The following MYO6 variants were observed in gnomAD, a reference collection of about 807,000 sequenced individuals.
MYO6 encodes the protein unconventional myosin-VI.
MYO6 carries 74 observed loss-of-function variants against 178.7 expected under a neutral mutation model. The ratio of observed to expected loss-of-function variants is 0.41; its 90% CI spans 0.34 to 0.50. The LOEUF (loss-of-function observed/expected upper bound fraction) is 0.50, where lower values mean the gene tolerates loss of function less well. Among genes scored for constraint, MYO6 ranks in the 20% least tolerant of loss-of-function variants. The pLI is 0.09. For synonymous variants in MYO6, 477 were observed against 504.6 expected (o/e 0.95, Z 0.73); for missense variants, 1,330 against 1,547.4 (o/e 0.86, Z 2.36).
intron 4 of MYO6, among the ~76,000 whole-genome samples, chr6:75,829,553 G>T (rs1371036106): frequency 1.3e-5 from 2 of 152,044 alleles, no homozygotes; most frequent in Non-Finnish European, 2.9e-5. Context: ...AGTGACAGCT[G>T]GGAGATAGAA....
intron 7 of MYO6, among the ~76,000 whole-genome samples, chr6:75,838,949 C>T (rs943153510): frequency 2.0e-5 from 3 of 151,942 alleles, no homozygotes; most frequent in Non-Finnish European, 2.9e-5. Flanking sequence ...TGTGAGCCAC[C>T]GCGCCTGGCT....
At chr6:75,779,413 AATTGCTTG>A (rs1399629118) in intron 1 of MYO6, among the ~76,000 whole-genome samples, 1 of 152,012 alleles carries the variant, frequency 6.6e-6, no homozygotes, top group Non-Finnish European at 1.5e-5. Context: ...GAGGCAGGAG[AATTGCTTG>A]AACCCAGGAG....
At chr6:75,870,968 A>G (rs1433006432) in intron 19 of MYO6, among the ~76,000 whole-genome samples, 1 of 152,180 alleles carries the variant, frequency 6.6e-6, no homozygotes, top group Admixed American at 6.5e-5. Context: ...TTTTCTTAGG[A>G]TTAAAGATTA....
intron 9 of MYO6, 72 bp downstream of exon 9, chr6:75,841,450 A>G: frequency 6.9e-7 from 1 of 1,453,642 alleles, no homozygotes; most frequent in Non-Finnish European, 9.5e-7. Context: ...ACACTTTGGG[A>G]GGCTGAGGCG....
intron 1 of MYO6, among the ~76,000 whole-genome samples, chr6:75,804,430 C>A (rs1299748531): frequency 6.6e-6 from 1 of 152,142 alleles, no homozygotes; most frequent in East Asian, 1.9e-4. Context: ...TTGTTTTGAG[C>A]AGCAAGGCCA....
At chr6:75,882,862 T>C (rs1778154958) in intron 23 of MYO6, among the ~76,000 whole-genome samples, 1 of 152,142 alleles carries the variant, frequency 6.6e-6, no homozygotes, top group Non-Finnish European at 1.5e-5. Flanking sequence ...CACATATTAT[T>C]GTGGTTGGTA....
At chr6:75,849,919 T>G (rs543194786) in intron 11 of MYO6, among the ~76,000 whole-genome samples, 2 of 152,034 alleles carry the variant, frequency 1.3e-5, no homozygotes, top group Non-Finnish European at 2.9e-5. Flanking sequence ...GAGTTGGAAT[T>G]AGGAGCATAG....
chr6:75,899,902 C>T (rs1359276085), intron 30 of MYO6, among the ~76,000 whole-genome samples: 1 of 117,100 alleles, frequency 8.5e-6, no homozygotes, highest in African/African-American at 3.4e-5. Flanking sequence ...CACCCTACAA[C>T]AGTCCCCAGA....
At chr6:75,871,838 CTG>C (rs746376512) in intron 19 of MYO6, among the ~76,000 whole-genome samples, 55 of 152,004 alleles carry the variant, frequency 3.6e-4, no homozygotes, top group Non-Finnish European at 6.9e-4. Context: ...CTAGAAGTGT[CTG>C]TGGGCCGGGT....
intron 3 of MYO6, among the ~76,000 whole-genome samples, chr6:75,823,801 T>G (rs530247269): frequency 6.6e-6 from 1 of 152,358 alleles, no homozygotes; most frequent in Non-Finnish European, 1.5e-5. Context: ...TTCGTCTCTC[T>G]TCTGAAATTC....
At chr6:75,839,453 G>C (rs1361623698) in intron 7 of MYO6, among the ~76,000 whole-genome samples, 1 of 152,162 alleles carries the variant, frequency 6.6e-6, no homozygotes, top group African/African-American at 2.4e-5. Context: ...CTCCCAGAGT[G>C]CTGGGATTAC....
At chr6:75,810,231 C>T (rs1770561213) in intron 1 of MYO6, among the ~76,000 whole-genome samples, 1 of 152,146 alleles carries the variant, frequency 6.6e-6, no homozygotes, top group Non-Finnish European at 1.5e-5. Context: ...CGCCCAGATC[C>T]ATCCTGGAAA....
In MYO6 at chr6:75,817,506, A is replaced by C. The variant is rs1771396921; in HGVS notation, c.-42A>C. Reference sequence around the variant, plus strand: ...TATTTGTTCCTTTGAAACAGGTGACAGTGGATAGTGGAAACAGGAGATCGT... The same window carrying C: ...TATTTGTTCCTTTGAAACAGGTGACCGTGGATAGTGGAAACAGGAGATCGT... On this transcript the variant is annotated 5_prime_UTR_variant, in exon 2 of 35. Transcript: ENST00000369977. The C allele has an allele frequency of 1.4e-6, 2 of 1,438,544 alleles. No homozygotes were observed. The highest frequency in any genetic ancestry group is 2.8e-5 in the African/African-American group (2 of 71,404). 89.1% of individuals were successfully genotyped at this position (1,438,544 alleles called of 1,614,324 possible).
rs111033431 is a variant in MYO6, at chr6:75,862,705, G to A, written c.1656G>A (p.Lys552=). 1,310 of 1,614,076 alleles carry A rather than the reference G, an allele frequency of 8.1e-4. 7 individuals carry two copies. In the African/African-American group the frequency reaches 0.014, roughly 18 times the overall value. ...CATCTGCAGTTCACCAAAAGCACAA[G>A]GATCATTTTCGACTCACTGTGAGTT... The part of the protein sequence containing the change: ...HFTSAVHQKH[K]DHFRLTIPRK... Residue 552 remains lysine (K), a synonymous_variant, in exon 16 of 35, where the codon AAG becomes AAA. Coordinates refer to ENST00000369977, the MANE Select transcript of MYO6 (RefSeq NM_004999.4).
intron 30 of MYO6, among the ~76,000 whole-genome samples, chr6:75,904,918 C>T (rs1780151526): frequency 6.6e-6 from 1 of 152,110 alleles, no homozygotes; most frequent in Non-Finnish European, 1.5e-5. Flanking sequence ...TGTGGATGTC[C>T]TTTCTGTTTG....
chr6:75,752,604 A>G (rs1455247233), intron 1 of MYO6, among the ~76,000 whole-genome samples: 2 of 152,218 alleles, frequency 1.3e-5, no homozygotes, highest in Non-Finnish European at 2.9e-5. Flanking sequence ...TTAAACCGGC[A>G]AAACTGGTAT....
At chr6:75,876,709 G>T (rs976081723) in intron 20 of MYO6, among the ~76,000 whole-genome samples, 7 of 151,994 alleles carry the variant, frequency 4.6e-5, no homozygotes, top group African/African-American at 1.7e-4. Context: ...AGACATGTTG[G>T]CACTTTAACA....
intron 1 of MYO6, among the ~76,000 whole-genome samples, chr6:75,788,524 G>C (rs1767907053): frequency 6.6e-6 from 1 of 152,152 alleles, no homozygotes; most frequent in Admixed American, 6.6e-5. Flanking sequence ...GATATTGCTT[G>C]TATTTACTTA....
At chr6:75,869,650 TA>T (rs1357199689) in intron 18 of MYO6, among the ~76,000 whole-genome samples, 2 of 152,186 alleles carry the variant, frequency 1.3e-5, no homozygotes, top group Admixed American at 1.3e-4. Flanking sequence ...ATAATTAACT[TA>T]TTTTGCAGAG....
Sources: allele counts gnomAD v4.1 joint callset (sites outside exome capture counted in the v4.1 genomes callset), GRCh38; gene constraint gnomAD v4.1.1; transcripts MANE v1.5; gene names NCBI Gene and HGNC (gene_info 2026-07-23, HGNC 2026-07-21).